Variants in PTPRB observed in about 807,000 individuals in gnomAD.
The protein encoded by PTPRB is receptor-type tyrosine-protein phosphatase beta.
Under a neutral mutation model 238.1 loss-of-function variants are expected in PTPRB, and 97 were observed. The observed-to-expected ratio is 0.41, with a 90% CI of 0.35 to 0.48. The LOEUF (loss-of-function observed/expected upper bound fraction) is 0.48, where lower values mean the gene tolerates loss of function less well. Among genes scored for constraint, PTPRB ranks in the 20% least tolerant of loss-of-function variants. The probability of loss-of-function intolerance (pLI) is 0.30; values close to 1 mark genes in which losing one functional copy is unlikely to be tolerated. For missense variants in PTPRB, 2,292 were observed against 2,681.9 expected, an observed-to-expected ratio of 0.85 and a Z score of 3.21; for synonymous variants, 970 against 995.4, an observed-to-expected ratio of 0.97 and a Z score of 0.48.
At chr12:70,593,513 CAAAA>C (rs71437149) in intron 6 of PTPRB, among the ~76,000 whole-genome samples, 229 of 36,686 alleles carry the variant, frequency 6.2e-3, no homozygotes, top group African/African-American at 0.023. Flanking sequence ...AACTCTGTCT[CAAAA>C]AAAAAAAAAA....
In PTPRB at chr12:70,581,321, G is replaced by A. The variant is rs1565974180; in HGVS notation, c.2312-19C>T. The A allele has an allele frequency of 3.2e-6, 5 of 1,577,954 alleles. No homozygotes were observed. The highest frequency in any genetic ancestry group is 2.7e-5 in the African/African-American group (2 of 73,290). On this transcript the variant is annotated intron_variant, in intron 9 of 33. Coordinates refer to ENST00000334414, the MANE Select transcript of PTPRB (RefSeq NM_001109754.4). ...GCAGGCACTAAAACAGTAGACAGAA[G>A]AAAAAACAAATGACACTTAGTCACC... is the stretch of plus-strand genomic sequence containing the variant.
chr12:70,627,840 A>G (rs1220086113), intron 2 of PTPRB, among the ~76,000 whole-genome samples: 2 of 152,208 alleles, frequency 1.3e-5, no homozygotes, highest in Admixed American at 6.5e-5. Flanking sequence ...TAGGGTTTGT[A>G]TACACAAAAG....
intron 16 of PTPRB, among the ~76,000 whole-genome samples, chr12:70,562,258 T>C (rs1878583454): frequency 6.6e-6 from 1 of 152,154 alleles, no homozygotes; most frequent in Non-Finnish European, 1.5e-5. Context: ...CACTCCAGCC[T>C]GGGCAACAGA....
chr12:70,559,688 A>G, intron 17 of PTPRB, 64 bp from the exon 18 acceptor site: 2 of 1,433,628 alleles, frequency 1.4e-6, no homozygotes, highest in Non-Finnish European at 1.9e-6. Flanking sequence ...TACAAATAAG[A>G]TAGCTGAGCA....
chr12:70,538,102 T>G lies in PTPRB; in HGVS notation c.5946+53A>C. On this transcript the variant is annotated intron_variant, in intron 28 of 33. Coordinates refer to ENST00000334414, the MANE Select transcript of PTPRB (RefSeq NM_001109754.4). ...ACATGGAGGAGTGGCATCTCCAGTG[T>G]AGCCACCCACCAAAGCCTCATCCTG... The G allele has an allele frequency of 1.4e-5, 20 of 1,442,818 alleles. No homozygotes were observed. In the South Asian group the frequency reaches 2.5e-4, roughly 18 times the overall value. 89.4% of individuals were successfully genotyped at this position (1,442,818 alleles called of 1,614,324 possible).
chr12:70,551,711 T>G (rs372638307), intron 21 of PTPRB, among the ~76,000 whole-genome samples: 35 of 152,266 alleles, frequency 2.3e-4, no homozygotes, highest in African/African-American at 8.4e-4. Context: ...AGAAGGTACA[T>G]CCTCTGCAGA....
In PTPRB at chr12:70,609,081, C is replaced by A. The variant is rs1884205036; in HGVS notation, c.967G>T (p.Val323Phe). ...TGTCATCCTTTACCTGTTTGCAAGA[C>A]CACTGTTCTCTCTTCATCCAGAGAA... The part of the protein sequence containing the change: ...IISLDEERTV[V>F]LQTDPLPPAR... Residue 323 changes from valine (V) to phenylalanine (F), a missense_variant, in exon 4 of 34, where the codon GTC becomes TTC. Physicochemically the swap from Val to Phe is conservative, Grantham distance 50. Around this residue, in one of 4 missense-constraint regions of PTPRB, gnomAD observed 1,205 missense variants for 1,287.8 expected, o/e 0.94. Transcript: ENST00000334414. The A allele has an allele frequency of 6.2e-7, 1 of 1,613,982 alleles. No homozygotes were observed. The highest frequency in any genetic ancestry group is 2.2e-5 in the East Asian group (1 of 44,880).
At position 70,522,001 on chromosome 12, in the gene PTPRB, T is replaced by C. The variant is rs423967; in HGVS notation, c.6626-490A>G. On this transcript the variant is annotated intron_variant, in intron 33 of 33. Transcript: ENST00000334414. ...TAAGGAATCTCCCATGCAAAAACCT[T>C]AATTTACTATACAGATCAATTAGGG... Among the ~76,000 whole-genome samples the C allele has an allele frequency of 6.9e-3, 1,051 of 152,334 alleles. 13 individuals carry two copies. The highest frequency in any genetic ancestry group is 0.024 in the African/African-American group (988 of 41,578).
chr12:70,561,137 G>A (rs951283380), intron 16 of PTPRB, among the ~76,000 whole-genome samples: 9 of 152,158 alleles, frequency 5.9e-5, no homozygotes, highest in African/African-American at 2.2e-4. Flanking sequence ...ACCAGGTGGT[G>A]ACTTCTAGAT....
chr12:70,535,434 G>A (rs767607938), intron 29 of PTPRB, among the ~76,000 whole-genome samples: 1 of 151,956 alleles, frequency 6.6e-6, no homozygotes, highest in African/African-American at 2.4e-5. Flanking sequence ...AAGTTAGAAC[G>A]TTTAGCTAAG....
intron 22 of PTPRB, among the ~76,000 whole-genome samples, chr12:70,543,195 T>G (rs1028099544): frequency 2.6e-5 from 4 of 152,152 alleles, no homozygotes; most frequent in African/African-American, 9.7e-5. Flanking sequence ...TTACAAAGAT[T>G]TACACCTATG....
chr12:70,628,179 G>A (rs1051168059), intron 2 of PTPRB, among the ~76,000 whole-genome samples: 2 of 152,078 alleles, frequency 1.3e-5, no homozygotes, highest in Admixed American at 1.3e-4. Flanking sequence ...GCAGCCCTTG[G>A]AATTAAAAAA....
At chr12:70,532,469 T>A (rs1873427777) in intron 31 of PTPRB, among the ~76,000 whole-genome samples, 1 of 152,130 alleles carries the variant, frequency 6.6e-6, no homozygotes, top group Non-Finnish European at 1.5e-5. Flanking sequence ...TACAGGTAAA[T>A]CTATAAACAT....
intron 15 of PTPRB, among the ~76,000 whole-genome samples, chr12:70,564,367 C>G (rs1028983520): frequency 6.6e-6 from 1 of 151,586 alleles, no homozygotes; most frequent in Non-Finnish European, 1.5e-5. Context: ...TAAAAATTAG[C>G]CGGGTGTAGT....
At chr12:70,568,672 A>T (rs1879636030) in intron 14 of PTPRB, among the ~76,000 whole-genome samples, 1 of 152,214 alleles carries the variant, frequency 6.6e-6, no homozygotes, top group Admixed American at 6.5e-5. Flanking sequence ...TAGATATGAA[A>T]TAGAGGCATA....
intron 9 of PTPRB, among the ~76,000 whole-genome samples, chr12:70,584,448 A>T (rs891973877): frequency 2.6e-5 from 4 of 152,178 alleles, no homozygotes; most frequent in African/African-American, 9.6e-5. Flanking sequence ...AAAGAAATAT[A>T]TCTACACCTT....
rs1475835934 is a variant in PTPRB at position 70,637,338 on chromosome 12, C to T, written c.55+3G>A. The stretch of plus-strand genomic sequence containing the variant: ...CTCAGGACACTGAGGCAGACCCACT[C>T]ACCTGAGTTCCTGAAGATCAAGCAG... On this transcript the variant is annotated splice_donor_region_variant and intron_variant, in intron 1 of 33. Transcript: ENST00000334414. 6.2e-6 allele frequency: 10 copies of T among 1,604,644 alleles called. No homozygotes were observed. The Admixed American group carries it at 1.7e-4, about 27-fold the overall frequency.
intron 27 of PTPRB, 73 bp downstream of exon 27, chr12:70,538,832 TATTATATTTCTTTAGCCTC>T: frequency 1.0e-6 from 1 of 994,872 alleles, no homozygotes; most frequent in East Asian, 2.6e-5. Flanking sequence ...TATCGAGCTA[TATTATATTTCTTTAGCCTC>T]ATTTCATTTT....
At chr12:70,605,283 T>C (rs1883852046) in intron 4 of PTPRB, among the ~76,000 whole-genome samples, 1 of 152,220 alleles carries the variant, frequency 6.6e-6, no homozygotes, top group South Asian at 2.1e-4. Context: ...TTAGTATATG[T>C]ACATTCTCTC....
Sources: gnomAD v4.1 joint callset for allele counts (sites outside exome capture counted in the v4.1 genomes callset) on GRCh38, gnomAD v4.1.1 for gene constraint, gnomAD v4.1.1 regional missense constraint, MANE v1.5 for transcripts, NCBI Gene and HGNC (gene_info 2026-07-23, HGNC 2026-07-21) for gene names.